Variants in GRIP1 observed in about 807,000 individuals in gnomAD.
GRIP1 encodes glutamate receptor interacting protein 1, also known as glutamate receptor-interacting protein 1.
GRIP1 carries 45 observed loss-of-function variants against 129.9 expected under a neutral mutation model. That is an observed-to-expected ratio of 0.35 (90% CI 0.27 to 0.44). The LOEUF is 0.44. GRIP1 is among the 20% of genes least tolerant of loss of function. The pLI is 1.00. For synonymous variants in GRIP1, 530 were observed against 520.8 expected (o/e 1.02, Z -0.24); for missense variants, 1,196 against 1,396.8 (o/e 0.86, Z 2.29).
At chr12:66,952,650 C>T (rs2041776292) in intron 1 of GRIP1, among the ~76,000 whole-genome samples, 1 of 152,108 alleles carries the variant, frequency 6.6e-6, no homozygotes, top group Admixed American at 6.5e-5. Context: ...TGGCAGAAAA[C>T]ACTTACTTTT....
At chr12:66,372,879 T>C (rs143546621) in intron 22 of GRIP1, among the ~76,000 whole-genome samples, 2 of 152,276 alleles carry the variant, frequency 1.3e-5, no homozygotes, top group African/African-American at 4.8e-5. Flanking sequence ...TATAATAGTA[T>C]AAAGGTAAAC....
chr12:67,054,623 C>T (rs1455339102), intron 1 of GRIP1, among the ~76,000 whole-genome samples: 1 of 151,794 alleles, frequency 6.6e-6, no homozygotes, highest in Non-Finnish European at 1.5e-5. Context: ...AATTAGTCAG[C>T]CATGGTGGTG....
At position 66,371,731 on chromosome 12, in the gene GRIP1, T is replaced by C. The variant is rs1371250852; in HGVS notation, c.2975A>G (p.Lys992Arg). 6.2e-7 allele frequency: 1 copy of C among 1,613,544 alleles called. No individual in the cohort carries two copies. Among genetic ancestry groups the C allele is most frequent in the Non-Finnish European group, 8.5e-7 (1 of 1,179,450 alleles). Residue 992 changes from lysine (K) to arginine (R), a missense_variant, in exon 23 of 25, where the codon AAG becomes AGG. Lys to Arg is a conservative substitution (Grantham distance 26, BLOSUM62 2). This residue lies in a region of GRIP1 where 427 missense variants were observed against 463.3 expected (regional missense o/e 0.92). Transcript: ENST00000359742. ...VTLRKMKQEIKEIMSPTPVEL... is the reference protein window; with the variant it reads ...VTLRKMKQEIREIMSPTPVEL... ...CACAGGAGTTGGAGACATGATCTCC[T>C]TTATTTCTTGTTTCATTTTTCTCAG...
At chr12:66,670,958 T>C (rs76606198) in intron 1 of GRIP1, among the ~76,000 whole-genome samples, 2,070 of 152,188 alleles carry the variant, frequency 0.014, 57 homozygotes, top group African/African-American at 0.048. Flanking sequence ...ACATATCTAG[T>C]AGCATCTCTA....
chr12:66,525,770 A>G (rs1223439522), intron 5 of GRIP1, among the ~76,000 whole-genome samples: 2 of 152,184 alleles, frequency 1.3e-5, no homozygotes, highest in African/African-American at 4.8e-5. Flanking sequence ...GTGATTGTAT[A>G]TCTAGAAAAC....
chr12:66,936,426 CAAAAAAAAAA>C (rs35370978), intron 1 of GRIP1, among the ~76,000 whole-genome samples: 1 of 88,112 alleles, frequency 1.1e-5, no homozygotes. Flanking sequence ...ACCCTGTCTC[CAAAAAAAAAA>C]AAAAAAAAAA....
At chr12:66,422,565 A>G (rs2057843808) in intron 14 of GRIP1, among the ~76,000 whole-genome samples, 3 of 133,042 alleles carry the variant, frequency 2.3e-5, no homozygotes. Flanking sequence ...ATAGCACTCA[A>G]TGTTTCCTTT....
intron 1 of GRIP1, among the ~76,000 whole-genome samples, chr12:66,712,999 A>C (rs1050912839): frequency 1.3e-5 from 2 of 152,032 alleles, no homozygotes; most frequent in African/African-American, 2.4e-5. Flanking sequence ...ATGATGAGTG[A>C]ACATGACATA....
intron 1 of GRIP1, among the ~76,000 whole-genome samples, chr12:66,834,590 G>A (rs1056768804): frequency 2.6e-5 from 4 of 152,118 alleles, no homozygotes; most frequent in Non-Finnish European, 4.4e-5. Flanking sequence ...TATCATTTTC[G>A]TATGTATTTC....
chr12:66,914,760 C>T (rs2041091051), intron 1 of GRIP1, among the ~76,000 whole-genome samples: 1 of 152,122 alleles, frequency 6.6e-6, no homozygotes, highest in Non-Finnish European at 1.5e-5. Context: ...ATCAAAGAAT[C>T]TGCATGTACC....
At position 66,858,704 on chromosome 12, in the gene GRIP1, T is replaced by C. The variant is rs569939391; in HGVS notation, c.58+210346A>G. 7.2e-5 allele frequency among the ~76,000 whole-genome samples: 11 copies of C among 152,104 alleles called. No individual in the cohort carries two copies. In the South Asian group the frequency reaches 2.3e-3, roughly 32 times the overall value. On this transcript the variant is annotated intron_variant, in intron 1 of 1. Coordinates refer to the GRIP1 transcript ENST00000643019. ...GCTATCACCTCACCTCTATCCTCTT[T>C]GCATTTAAAAGAAAATCCTCTACTC...
intron 2 of GRIP1, among the ~76,000 whole-genome samples, chr12:66,560,566 A>G (rs539845055): frequency 3.3e-5 from 5 of 152,320 alleles, no homozygotes; most frequent in African/African-American, 7.2e-5. Flanking sequence ...GCAAACAGGT[A>G]TATGAAATGG....
chr12:66,814,094 A>G (rs2039157903), intron 1 of GRIP1, among the ~76,000 whole-genome samples: 1 of 151,766 alleles, frequency 6.6e-6, no homozygotes, highest in African/African-American at 2.4e-5. Context: ...TATATACTTT[A>G]TATATAGTTA....
In GRIP1 at chr12:66,881,114, T is replaced by C. The variant is rs920633102; in HGVS notation, c.58+187936A>G. On this transcript the variant is annotated intron_variant, in intron 1 of 1. Coordinates refer to the GRIP1 transcript ENST00000643019. ...TAATTTCTGCACATATTTCTCCAAA[T>C]GGACTATCTAATGAATGGTAAACAG... Among the ~76,000 whole-genome samples the C allele has an allele frequency of 3.9e-5, 6 of 151,946 alleles. 1 individual carries two copies. The highest frequency in any genetic ancestry group is 8.8e-5 in the Non-Finnish European group (6 of 67,984).
chr12:66,938,930 C>T (rs1003530110), intron 1 of GRIP1, among the ~76,000 whole-genome samples: 1 of 151,922 alleles, frequency 6.6e-6, no homozygotes, highest in African/African-American at 2.4e-5. Flanking sequence ...GCACTCCCAC[C>T]TGGGCAATAG....
At chr12:67,003,812 A>T (rs2042587221) in intron 1 of GRIP1, among the ~76,000 whole-genome samples, 1 of 152,212 alleles carries the variant, frequency 6.6e-6, no homozygotes. Flanking sequence ...GAAAATAGAC[A>T]TGCATTAATT....
At chr12:66,975,025 G>A (rs1466896570) in intron 1 of GRIP1, among the ~76,000 whole-genome samples, 3 of 152,146 alleles carry the variant, frequency 2.0e-5, no homozygotes, top group Non-Finnish European at 4.4e-5. Context: ...AATCTGGGGG[G>A]TCAAACTGAC....
Position 66,428,206 on chromosome 12 carries a change from C to G in GRIP1, c.1768+4342G>C, listed in dbSNP as rs147515260. Among the ~76,000 whole-genome samples the G allele has an allele frequency of 5.0e-3, 763 of 152,308 alleles. 1 individual carries two copies. Among genetic ancestry groups the G allele is most frequent in the Non-Finnish European group, 8.6e-3 (582 of 68,028 alleles). On this transcript the variant is annotated intron_variant, in intron 14 of 24. Transcript: ENST00000359742. ...ATCATCACACACACACATACAAACT[C>G]TTAATCATTCAGCTTTACTTTAATT...
In GRIP1 at chr12:66,348,732, A is replaced by G. The variant is rs992408595; in HGVS notation, c.*287T>C. 2 of 391,314 alleles carry G rather than the reference A, an allele frequency of 5.1e-6. No homozygotes were observed. Among genetic ancestry groups the G allele is most frequent in the Non-Finnish European group, 9.2e-6 (2 of 216,290 alleles). The allele number at this position is 391,314 out of a possible 1,614,324, so 24.2% of individuals were successfully genotyped here. A position where few individuals can be genotyped will look rare whatever the true frequency, so the allele number is the denominator to read the frequency against. ...TGATAGTAAGATGAACTTGTAAAAAATTTCCTCTGATGTTAATTGTAGAGT... is the reference window on the plus strand; with the variant it reads ...TGATAGTAAGATGAACTTGTAAAAAGTTTCCTCTGATGTTAATTGTAGAGT... On this transcript the variant is annotated 3_prime_UTR_variant, in exon 25 of 25. Coordinates refer to ENST00000359742, the MANE Select transcript of GRIP1 (RefSeq NM_001366722.1).
Sources: gnomAD v4.1 joint callset for allele counts (sites outside exome capture counted in the v4.1 genomes callset) on GRCh38, gnomAD v4.1.1 for gene constraint, gnomAD v4.1.1 regional missense constraint, MANE v1.5 for transcripts, NCBI Gene and HGNC (gene_info 2026-07-23, HGNC 2026-07-21) for gene names.